Variants in ADAMTS17 observed in about 807,000 individuals in gnomAD.
ADAMTS17 encodes ADAM metallopeptidase with thrombospondin type 1 motif 17.
In ADAMTS17, 113 loss-of-function variants were observed where a neutral mutation model predicts 141.5. That is an observed-to-expected ratio of 0.80 (90% CI 0.69 to 0.93). The LOEUF (loss-of-function observed/expected upper bound fraction) is 0.93. Ranked by LOEUF, ADAMTS17 falls within the 40% of genes least tolerant of loss-of-function variation. The pLI is 0.00. For synonymous variants in ADAMTS17, 768 were observed against 630.6 expected (o/e 1.22, Z -3.27); for missense variants, 1,659 against 1,517.9 (o/e 1.09, Z -1.54).
chr15:100,113,235 G>A (rs776599551), intron 13 of ADAMTS17, among the ~76,000 whole-genome samples: 7 of 152,182 alleles, frequency 4.6e-5, no homozygotes, highest in African/African-American at 9.7e-5. Context: ...ATGTCTGCTC[G>A]TGGTTGACGG....
chr15:100,139,898 G>A (rs745887891), intron 10 of ADAMTS17, among the ~76,000 whole-genome samples: 2 of 152,190 alleles, frequency 1.3e-5, no homozygotes, highest in Non-Finnish European at 2.9e-5. Flanking sequence ...GGAAAAACTG[G>A]TGAAATCTAA....
At position 100,056,039 on chromosome 15, in the gene ADAMTS17, T is replaced by C. The variant is rs1043822041; in HGVS notation, c.2138-1985A>G. On this transcript the variant is annotated intron_variant, in intron 15 of 21. Coordinates refer to ENST00000268070, the MANE Select transcript of ADAMTS17 (RefSeq NM_139057.4). The stretch of plus-strand genomic sequence containing the variant: ...AGATTTTATGACTAATGCTGAAATG[T>C]GCAAAGGTAAGGCCTGTTTTCAAAA... 2.0e-5 allele frequency among the ~76,000 whole-genome samples: 3 copies of C among 152,216 alleles called. No homozygotes were observed. In the East Asian group the frequency reaches 5.8e-4, roughly 29 times the overall value.
At chr15:100,114,835 A>G (rs1489649155) in intron 13 of ADAMTS17, among the ~76,000 whole-genome samples, 3 of 152,236 alleles carry the variant, frequency 2.0e-5, no homozygotes, top group Non-Finnish European at 4.4e-5. Context: ...TGATAAGGCA[A>G]CGAAACAGTC....
At chr15:100,098,909 T>C (rs529111519) in intron 14 of ADAMTS17, among the ~76,000 whole-genome samples, 7 of 152,210 alleles carry the variant, frequency 4.6e-5, no homozygotes, top group Non-Finnish European at 1.0e-4. Flanking sequence ...CCACCTGGGC[T>C]TTCTCATCTC....
chr15:100,216,683 A>T (rs572754735), intron 7 of ADAMTS17, among the ~76,000 whole-genome samples: 27 of 152,322 alleles, frequency 1.8e-4, no homozygotes, highest in Non-Finnish European at 3.5e-4. Context: ...TCTGCTGTCT[A>T]CCAAGCTACC....
intron 8 of ADAMTS17, among the ~76,000 whole-genome samples, chr15:100,162,114 T>C (rs1211962870): frequency 1.3e-5 from 2 of 152,120 alleles, no homozygotes; most frequent in Non-Finnish European, 2.9e-5. Context: ...TTTTCTAGAA[T>C]AGACAACATC....
chr15:100,213,399 T>C (rs1367064981), intron 7 of ADAMTS17, among the ~76,000 whole-genome samples: 1 of 152,196 alleles, frequency 6.6e-6, no homozygotes, highest in Non-Finnish European at 1.5e-5. Context: ...TCACCATGAT[T>C]GCTCAGAAAA....
At chr15:100,127,426 G>A (rs893330731) in intron 12 of ADAMTS17, among the ~76,000 whole-genome samples, 2 of 152,134 alleles carry the variant, frequency 1.3e-5, no homozygotes, top group African/African-American at 4.8e-5. Flanking sequence ...GCCACGAAAC[G>A]GATTCACCTT....
intron 15 of ADAMTS17, among the ~76,000 whole-genome samples, chr15:100,078,766 G>A (rs28822392): frequency 0.16 from 23,733 of 152,072 alleles, 3,577 homozygotes; most frequent in African/African-American, 0.4. Context: ...ATACCATCAA[G>A]AGAGTGAAAA....
At chr15:100,192,736 T>G (rs1298407591) in intron 8 of ADAMTS17, among the ~76,000 whole-genome samples, 1 of 152,202 alleles carries the variant, frequency 6.6e-6, no homozygotes, top group Non-Finnish European at 1.5e-5. Context: ...AGACAAGCAT[T>G]TCCATGCTTC....
chr15:100,305,415 G>C, intron 3 of ADAMTS17, among the ~76,000 whole-genome samples: 1 of 152,236 alleles, frequency 6.6e-6, no homozygotes, highest in South Asian at 2.1e-4. Flanking sequence ...CAGGTCTTCA[G>C]ATGGGTTTGC....
intron 10 of ADAMTS17, among the ~76,000 whole-genome samples, chr15:100,147,840 C>T (rs2141326897): frequency 6.6e-6 from 1 of 152,352 alleles, no homozygotes; most frequent in East Asian, 1.9e-4. Flanking sequence ...CTTAAAACAA[C>T]ACAATTCTCT....
chr15:100,090,169 T>G (rs2035366451), intron 15 of ADAMTS17, among the ~76,000 whole-genome samples: 2 of 152,144 alleles, frequency 1.3e-5, no homozygotes, highest in African/African-American at 4.8e-5. Context: ...CTGGGGAGTT[T>G]CAACTGTGAT....
At chr15:100,224,561 G>A (rs903161575) in intron 7 of ADAMTS17, among the ~76,000 whole-genome samples, 2 of 152,216 alleles carry the variant, frequency 1.3e-5, no homozygotes. Flanking sequence ...GCTTGCCATT[G>A]TGCAGAGGCA....
chr15:100,296,104 C>T (rs898734968), intron 3 of ADAMTS17, among the ~76,000 whole-genome samples: 6 of 152,016 alleles, frequency 3.9e-5, no homozygotes, highest in Non-Finnish European at 7.4e-5. Flanking sequence ...TTAACAGATT[C>T]GGGGTCAATG....
chr15:100,258,525 G>A (rs1251388396), intron 6 of ADAMTS17, among the ~76,000 whole-genome samples: 14 of 152,322 alleles, frequency 9.2e-5, no homozygotes, highest in East Asian at 7.7e-4. Flanking sequence ...GGTGGAAGGC[G>A]AAAGGCACGT....
intron 13 of ADAMTS17, among the ~76,000 whole-genome samples, chr15:100,114,776 G>T (rs2037007669): frequency 6.6e-6 from 1 of 152,216 alleles, no homozygotes; most frequent in Admixed American, 6.5e-5. Context: ...CACACCGCAA[G>T]GCTTCCTGGG....
At chr15:100,084,688 T>G (rs1006026775) in intron 15 of ADAMTS17, among the ~76,000 whole-genome samples, 1 of 152,114 alleles carries the variant, frequency 6.6e-6, no homozygotes, top group Non-Finnish European at 1.5e-5. Flanking sequence ...AATTCACCAA[T>G]AGGCGCTGTT....
intron 10 of ADAMTS17, among the ~76,000 whole-genome samples, chr15:100,146,031 G>C (rs758730282): frequency 6.6e-6 from 1 of 152,166 alleles, no homozygotes; most frequent in African/African-American, 2.4e-5. Flanking sequence ...AAATTAGCTG[G>C]GTGTGGTGGC....
Sources: gnomAD v4.1 joint callset for allele counts (sites outside exome capture counted in the v4.1 genomes callset) on GRCh38, gnomAD v4.1.1 for gene constraint, MANE v1.5 for transcripts, NCBI Gene and HGNC (gene_info 2026-07-23, HGNC 2026-07-21) for gene names.